The following UPK1A variants were observed in gnomAD, a reference collection of about 807,000 sequenced individuals.
UPK1A encodes uroplakin-1a.
In UPK1A, 31 loss-of-function variants were observed where a neutral mutation model predicts 32.3. That is an observed-to-expected ratio of 0.96 (90% CI 0.72 to 1.30). UPK1A has a LOEUF of 1.30. UPK1A is among the 50% of genes most tolerant of loss of function. The pLI is 0.00. For missense variants in UPK1A, 340 were observed against 357.4 expected (o/e 0.95, Z 0.39); for synonymous variants, 135 against 137.1 (o/e 0.98, Z 0.11).
chr19:35,668,612 T>C (rs1458065922), exon 3 of UPK1A: 3 of 1,613,992 alleles, frequency 1.9e-6, no homozygotes, highest in Admixed American at 3.3e-5. Context: ...CCAGTTTTGG[T>C]GTGGGTGCCG....
At chr19:35,669,985 C>A (rs1232136432) in intron 3 of UPK1A, among the ~76,000 whole-genome samples, 1 of 152,184 alleles carries the variant, frequency 6.6e-6, no homozygotes, top group Non-Finnish European at 1.5e-5. Context: ...AACATAAAAG[C>A]CCTTGACCCA....
Position 35,666,904 on chromosome 19 carries a change from TCGCCCCAGTGCTGGGAGC to T in UPK1A, c.84+11_84+28del. 1 of 1,613,686 alleles carries T rather than the reference TCGCCCCAGTGCTGGGAGC, an allele frequency of 6.2e-7. No individual in the cohort carries two copies. The highest frequency in any genetic ancestry group is 8.5e-7 in the Non-Finnish European group (1 of 1,179,844). On this transcript the variant is annotated intron_variant, in intron 2 of 7. Transcript: ENST00000617999. ...GGCAATATCATTATTCTGGTGAGAC[TCGCCCCAGTGCTGGGAGC>T]CGAGTGGTTGTGTGGTGGGGAGGGG...
At chr19:35,667,072 G>A (rs1476657689) in intron 2 of UPK1A, among the ~76,000 whole-genome samples, 176 bp downstream of exon 2, 1 of 152,148 alleles carries the variant, frequency 6.6e-6, no homozygotes, top group South Asian at 2.1e-4. Flanking sequence ...CTTAGCAAGC[G>A]ACTGTCCCTC....
intron 1 of UPK1A, 97 bp downstream of exon 1, chr19:35,666,635 G>A: frequency 1.6e-6 from 1 of 614,764 alleles, no homozygotes; most frequent in Non-Finnish European, 2.8e-6. Flanking sequence ...CCCCACCGGA[G>A]CCCGGGTGTC....
chr19:35,677,352 C>G (rs758312243), intron 6 of UPK1A, among the ~76,000 whole-genome samples: 2 of 151,640 alleles, frequency 1.3e-5, no homozygotes, highest in Non-Finnish European at 2.9e-5. Context: ...ATGGTGAAAC[C>G]CCGTCTCTAC....
chr19:35,676,949 C>T (rs994797184), intron 6 of UPK1A, among the ~76,000 whole-genome samples: 4 of 151,866 alleles, frequency 2.6e-5, no homozygotes, highest in Admixed American at 1.3e-4. Flanking sequence ...GAGCTAGGCA[C>T]GGGGGCTCAC....
intron 2 of UPK1A, among the ~76,000 whole-genome samples, chr19:35,667,220 T>C (rs927905520): frequency 3.9e-5 from 6 of 152,282 alleles, no homozygotes; most frequent in African/African-American, 1.4e-4. Flanking sequence ...TCACTATGGA[T>C]ATAAAGTGAC....
At chr19:35,675,113 C>T (rs1292748189) in intron 5 of UPK1A, among the ~76,000 whole-genome samples, 1 of 151,792 alleles carries the variant, frequency 6.6e-6, no homozygotes, top group African/African-American at 2.4e-5. Flanking sequence ...GGCCCAAGTC[C>T]TCTAGCTAGC....
exon 8 of UPK1A, chr19:35,677,979 C>G (rs761316150): frequency 7.5e-6 from 12 of 1,601,882 alleles, no homozygotes; most frequent in Non-Finnish European, 7.7e-6. Flanking sequence ...CGCCAGCTCC[C>G]GGTCATGCTG....
chr19:35,670,057 G>A (rs1476041536), intron 3 of UPK1A, among the ~76,000 whole-genome samples: 1 of 152,192 alleles, frequency 6.6e-6, no homozygotes, highest in Non-Finnish European at 1.5e-5. Flanking sequence ...GCCGAGGAGG[G>A]CGAGGGAAGA....
At chr19:35,675,900 G>A in exon 6 of UPK1A, 1 of 1,614,034 alleles carries the variant, frequency 6.2e-7, no homozygotes, top group Admixed American at 1.7e-5. Flanking sequence ...AGCCTTCCGG[G>A]CGGCCACTCC....
At chr19:35,676,259 C>T (rs1398076127) in intron 6 of UPK1A, 2 of 647,220 alleles carry the variant, frequency 3.1e-6, no homozygotes, top group Middle Eastern at 4.1e-4. Context: ...GGCACAATCT[C>T]AGCTCACTGC....
In UPK1A at chr19:35,673,306, C is replaced by G. The variant is rs377493902; in HGVS notation, c.360C>G (p.Tyr120Ter). 6.2e-7 allele frequency: 1 copy of G among 1,614,046 alleles called. No homozygotes were observed. The highest frequency in any genetic ancestry group is 8.5e-7 in the Non-Finnish European group (1 of 1,180,004). The stretch of plus-strand genomic sequence containing the variant: ...TCACGTCCTACACCCACCGTGACTA[C>G]GTGAGCCCGGCGAGGCCTGGGGAGG... The change falls in exon 4 of 8, where the codon TAC (tyrosine) becomes TAG (stop). Residue 120 changes from tyrosine to a stop codon, truncating the protein, a stop_gained and splice_region_variant. Coordinates refer to ENST00000617999, the Ensembl canonical transcript of UPK1A. LOFTEE classifies it high-confidence loss of function.
At chr19:35,677,684 C>T (rs1343018032) in intron 6 of UPK1A, 128 bp from the exon 7 acceptor site, 8 of 1,220,736 alleles carry the variant, frequency 6.6e-6, no homozygotes, top group Non-Finnish European at 8.1e-6. Context: ...GCCATGGTCC[C>T]CATTGCACAA....
chr19:35,673,387 C>G (rs1287758157), intron 4 of UPK1A, 51 bp from the exon 5 acceptor site: 1 of 1,610,824 alleles, frequency 6.2e-7, no homozygotes, highest in Non-Finnish European at 8.5e-7. Flanking sequence ...GGAGGTCGTC[C>G]TCTCTCCCCA....
chr19:35,676,092 T>G, intron 6 of UPK1A, 73 bp downstream of exon 6: 1 of 1,459,730 alleles, frequency 6.9e-7, no homozygotes, highest in East Asian at 2.5e-5. Context: ...CCCTCTCTGA[T>G]TCTCTCTTTC....
rs775056878 is a variant in UPK1A at position 35,668,332 on chromosome 19, T to A, written c.85-122T>A. ...ATCGCTGCTCATGGAAGGCGAGGTC[T>A]TTGCCCACTTTACTGAGAGGGCAGT... On this transcript the variant is annotated intron_variant, in intron 2 of 7. Transcript: ENST00000617999. 30 of 1,203,354 alleles carry A rather than the reference T, an allele frequency of 2.5e-5. No homozygotes were observed. The African/African-American group carries it at 3.6e-4, about 14-fold the overall frequency. 74.5% of individuals were successfully genotyped at this position (1,203,354 alleles called of 1,614,324 possible).
exon 4 of UPK1A, chr19:35,673,287 C>G (rs1232630357): frequency 2.5e-6 from 4 of 1,614,096 alleles, no homozygotes; most frequent in East Asian, 4.5e-5. Context: ...TGCATCACGT[C>G]CTACACCCAC....
At chr19:35,672,606 T>C (rs78852811) in intron 3 of UPK1A, among the ~76,000 whole-genome samples, 15,193 of 152,180 alleles carry the variant, frequency 0.1, 891 homozygotes, top group East Asian at 0.23. Flanking sequence ...TTTGCTCTGT[T>C]GCCCAGGCAG....
Sources: gnomAD v4.1 joint callset for allele counts (sites outside exome capture counted in the v4.1 genomes callset) on GRCh38, gnomAD v4.1.1 for gene constraint, MANE v1.5 for transcripts, NCBI Gene and HGNC (gene_info 2026-07-23, HGNC 2026-07-21) for gene names.